MICU2: variants seen among roughly 807,000 people sequenced by gnomAD.
The protein encoded by MICU2 is mitochondrial calcium uptake 2, also known as calcium uptake protein 2, mitochondrial.
Under a neutral mutation model 60.4 loss-of-function variants are expected in MICU2, and 64 were observed. That is an observed-to-expected ratio of 1.06 (90% CI 0.87 to 1.31). The LOEUF (loss-of-function observed/expected upper bound fraction) is 1.31. Among genes scored for constraint, MICU2 ranks in the 50% most tolerant of loss-of-function variants. MICU2 has a pLI of 0.00. For missense variants in MICU2, 569 were observed against 531.0 expected (o/e 1.07, Z -0.70); for synonymous variants, 201 against 175.0 (o/e 1.15, Z -1.17).
intron 2 of MICU2, among the ~76,000 whole-genome samples, chr13:21,541,744 C>T (rs946008049): frequency 3.9e-5 from 6 of 152,136 alleles, no homozygotes; most frequent in Non-Finnish European, 7.4e-5. Context: ...AAAGAGCCTG[C>T]GGCCTACTTT....
chr13:21,577,737 A>C (rs61952264), intron 1 of MICU2, among the ~76,000 whole-genome samples: 1 of 148,588 alleles, frequency 6.7e-6, no homozygotes, highest in Non-Finnish European at 1.5e-5. Context: ...CCCGGGAGAC[A>C]GAGGTTGCAG....
chr13:21,517,807 GCGCGCGCA>G (rs1566144897), intron 6 of MICU2, among the ~76,000 whole-genome samples: 4 of 149,890 alleles, frequency 2.7e-5, no homozygotes, highest in Non-Finnish European at 4.4e-5. Context: ...ACACGCGCGC[GCGCGCGCA>G]CACGCGCTAC....
chr13:21,522,470 T>C (rs1313336227), intron 5 of MICU2, 133 bp downstream of exon 5: 7 of 646,498 alleles, frequency 1.1e-5, no homozygotes, highest in Non-Finnish European at 1.5e-5. Flanking sequence ...AACATTATCA[T>C]TTTGCAGATA....
intron 1 of MICU2, among the ~76,000 whole-genome samples, chr13:21,598,510 G>A (rs1331663157): frequency 2.6e-5 from 4 of 152,128 alleles, no homozygotes; most frequent in African/African-American, 9.7e-5. Context: ...GAGGTCAAGA[G>A]TTCGAGACCA....
intron 1 of MICU2, among the ~76,000 whole-genome samples, chr13:21,584,527 A>C (rs1307406027): frequency 6.6e-6 from 1 of 152,182 alleles, no homozygotes; most frequent in African/African-American, 2.4e-5. Context: ...CATGTGGATA[A>C]ATTTCAGATT....
chr13:21,514,872 C>T (rs1886528364), intron 6 of MICU2, among the ~76,000 whole-genome samples: 1 of 151,848 alleles, frequency 6.6e-6, no homozygotes. Context: ...ATCTTTTTCT[C>T]TTAGACAATG....
chr13:21,598,621 C>T (rs1888746914), intron 1 of MICU2, among the ~76,000 whole-genome samples: 1 of 152,008 alleles, frequency 6.6e-6, no homozygotes, highest in Non-Finnish European at 1.5e-5. Context: ...GAGGCTGAGA[C>T]CAGAGAATTG....
At chr13:21,556,174 A>T (rs926252050) in intron 2 of MICU2, among the ~76,000 whole-genome samples, 8 of 152,068 alleles carry the variant, frequency 5.3e-5, no homozygotes, top group African/African-American at 1.9e-4. Flanking sequence ...ATGCACCAAA[A>T]CTGTTCTTAT....
chr13:21,542,184 A>G (rs564910018), intron 2 of MICU2, among the ~76,000 whole-genome samples: 14 of 152,258 alleles, frequency 9.2e-5, no homozygotes, highest in African/African-American at 3.1e-4. Context: ...TTTTCTTGGT[A>G]GACAGTTGTC....
At chr13:21,527,519 A>G (rs1427133693) in intron 4 of MICU2, among the ~76,000 whole-genome samples, 1 of 152,236 alleles carries the variant, frequency 6.6e-6, no homozygotes, top group Admixed American at 6.5e-5. Flanking sequence ...TTCACTCTCA[A>G]GGTGGGTTAC....
intron 4 of MICU2, among the ~76,000 whole-genome samples, chr13:21,528,449 G>C (rs567217800): frequency 6.6e-6 from 1 of 152,210 alleles, no homozygotes; most frequent in Admixed American, 6.5e-5. Flanking sequence ...AGTAACTGTT[G>C]TCTTTCCTCA....
At chr13:21,561,429 T>A (rs969798684) in intron 2 of MICU2, among the ~76,000 whole-genome samples, 1 of 152,176 alleles carries the variant, frequency 6.6e-6, no homozygotes, top group African/African-American at 2.4e-5. Flanking sequence ...TAAGAACACA[T>A]CTGTTTCTCC....
At chr13:21,588,307 G>A (rs538170249) in intron 1 of MICU2, among the ~76,000 whole-genome samples, 1 of 152,350 alleles carries the variant, frequency 6.6e-6, no homozygotes, top group East Asian at 1.9e-4. Context: ...TGTTATGCTT[G>A]TGTGCATGGC....
intron 6 of MICU2, among the ~76,000 whole-genome samples, chr13:21,520,405 C>A (rs1886687614): frequency 6.6e-6 from 1 of 152,062 alleles, no homozygotes; most frequent in African/African-American, 2.4e-5. Context: ...TTATTCCCAC[C>A]AGCAATGTAA....
chr13:21,582,824 G>C (rs751431685), intron 1 of MICU2: 1 of 154,334 alleles, frequency 6.5e-6, no homozygotes, highest in Non-Finnish European at 1.4e-5. Context: ...GGGGCCACGT[G>C]CATCAGGGGT....
Position 21,538,485 on chromosome 13 carries a change from G to T in MICU2, c.466+817C>A, listed in dbSNP as rs190474297. 9.5e-4 allele frequency among the ~76,000 whole-genome samples: 135 copies of T among 142,114 alleles called. 1 individual carries two copies. The highest frequency in any genetic ancestry group is 3.3e-3 in the African/African-American group (129 of 38,844). The allele number at this position is 142,114 out of a possible 152,430, so 93.2% of individuals were successfully genotyped here. On this transcript the variant is annotated intron_variant, in intron 4 of 11. Transcript: ENST00000382374. ...AGGCTGCAGCAGGAGGACTGCTTGA[G>T]TCCCAGAGTTTGACGCTGCCGGGAG...
At chr13:21,566,989 TC>T in intron 1 of MICU2, 45 bp from the exon 2 acceptor site, 1 of 1,515,664 alleles carries the variant, frequency 6.6e-7, no homozygotes, top group Non-Finnish European at 9.0e-7. Context: ...TCAGTGTTAT[TC>T]CCAGTCACTT....
intron 10 of MICU2, chr13:21,495,742 G>A: frequency 4.4e-6 from 1 of 228,118 alleles, no homozygotes; most frequent in East Asian, 1.1e-4. Flanking sequence ...CACCATGTTG[G>A]CCAGGCTGGT....
At chr13:21,595,118 A>C (rs138032562) in intron 1 of MICU2, among the ~76,000 whole-genome samples, 1 of 152,378 alleles carries the variant, frequency 6.6e-6, no homozygotes, top group African/African-American at 2.4e-5. Flanking sequence ...TACCATTACA[A>C]GTAGTCAACT....
Sources: gnomAD v4.1 joint callset for allele counts (sites outside exome capture counted in the v4.1 genomes callset) on GRCh38, gnomAD v4.1.1 for gene constraint, MANE v1.5 for transcripts, NCBI Gene and HGNC (gene_info 2026-07-23, HGNC 2026-07-21) for gene names.